DENND4A: variants seen among roughly 807,000 people sequenced by gnomAD.
The protein encoded by DENND4A is C-myc promoter-binding protein.
DENND4A carries 70 observed loss-of-function variants against 199.3 expected under a neutral mutation model. The observed-to-expected ratio is 0.35, with a 90% CI of 0.29 to 0.43. The LOEUF (loss-of-function observed/expected upper bound fraction) is 0.43. Among genes scored for constraint, DENND4A ranks in the 20% least tolerant of loss-of-function variants. The pLI is 1.00. For synonymous variants in DENND4A, 686 were observed against 766.9 expected, an observed-to-expected ratio of 0.89 and a Z score of 1.74; for missense variants, 1,723 against 2,255.8, an observed-to-expected ratio of 0.76 and a Z score of 4.78.
At chr15:65,761,248 T>A (rs1490863245) in intron 2 of DENND4A, 112 bp downstream of exon 2, 1 of 152,194 alleles carries the variant, frequency 6.6e-6, no homozygotes, top group Non-Finnish European at 1.5e-5. Context: ...AATTATTACA[T>A]GGAGAATATA....
At chr15:65,762,453 C>T (rs955819712) in intron 1 of DENND4A, among the ~76,000 whole-genome samples, 6 of 151,898 alleles carry the variant, frequency 4.0e-5, no homozygotes, top group Non-Finnish European at 7.4e-5. Context: ...GTGAGGCCCC[C>T]ATCTCTAAAA....
intron 7 of DENND4A, among the ~76,000 whole-genome samples, chr15:65,735,724 G>A (rs2140429650): frequency 6.6e-6 from 1 of 152,254 alleles, no homozygotes. Flanking sequence ...CTTGATTTTG[G>A]AAATACACTT....
rs1230721272 is a variant in DENND4A, at chr15:65,761,388, G to A, written c.-51C>T. 1 of 152,188 alleles carries A rather than the reference G, an allele frequency of 6.6e-6. No homozygotes were observed. The highest frequency in any genetic ancestry group is 1.9e-4 in the East Asian group (1 of 5,198). The allele number at this position is 152,188 out of a possible 1,614,324, so 9.4% of individuals were successfully genotyped here. The stretch of plus-strand genomic sequence containing the variant: ...TTACCGAAAGTTTCTCTCTGAAAAA[G>A]ATGACAGATTTCAATGTGTGAACTC... On this transcript the variant is annotated 5_prime_UTR_variant, in exon 2 of 33. Coordinates refer to ENST00000443035, the MANE Select transcript of DENND4A (RefSeq NM_001320835.1).
intron 1 of DENND4A, among the ~76,000 whole-genome samples, chr15:65,768,499 TCTTGAATGCTAA>T (rs1437642977): frequency 6.6e-6 from 1 of 152,050 alleles, no homozygotes; most frequent in African/African-American, 2.4e-5. Context: ...AGAACCACTA[TCTTGAATGCTAA>T]CAGTAGATTA....
rs2074851796 is a variant in DENND4A, at chr15:65,701,052, TGAGA to T, written c.2696_2699del (p.Leu899GlnfsTer33). The T allele has an allele frequency of 6.2e-7, 1 of 1,604,544 alleles. No homozygotes were observed. Among genetic ancestry groups the T allele is most frequent in the Non-Finnish European group, 8.5e-7 (1 of 1,176,932 alleles). On this transcript the variant is annotated frameshift_variant and splice_region_variant, in exon 19 of 33. Transcript: ENST00000443035. LOFTEE classifies it high-confidence loss of function. ...AAGTAAAACACATACATCCCTTACC[TGAGA>T]GAGTTGTTTGTGATAAGTGTGCATG...
chr15:65,741,924 G>T, intron 4 of DENND4A, 140 bp from the exon 5 acceptor site: 3 of 547,012 alleles, frequency 5.5e-6, no homozygotes, highest in Admixed American at 3.6e-5. Context: ...TCAGTTGGCT[G>T]TTTTGTCAAT....
intron 22 of DENND4A, among the ~76,000 whole-genome samples, chr15:65,692,383 G>C (rs183008569): frequency 3.3e-5 from 5 of 152,254 alleles, no homozygotes; most frequent in African/African-American, 9.6e-5. Flanking sequence ...CAGAAATCTA[G>C]ATCTCTGATC....
At chr15:65,728,483 T>C (rs1034563906) in intron 11 of DENND4A, among the ~76,000 whole-genome samples, 21 of 144,610 alleles carry the variant, frequency 1.5e-4, no homozygotes, top group African/African-American at 5.3e-4. Context: ...CTTTTTTTCT[T>C]TTTCTTTTTT....
intron 3 of DENND4A, among the ~76,000 whole-genome samples, chr15:65,753,416 T>G (rs957153125): frequency 2.6e-5 from 4 of 152,130 alleles, no homozygotes; most frequent in African/African-American, 9.7e-5. Context: ...TGGAGTGCAG[T>G]GTTGTGATCT....
chr15:65,723,398 G>A (rs1039762327), intron 11 of DENND4A, among the ~76,000 whole-genome samples: 18 of 151,596 alleles, frequency 1.2e-4, no homozygotes, highest in Admixed American at 1.1e-3. Context: ...AAAATACTTC[G>A]GTATATTTAA....
intron 12 of DENND4A, among the ~76,000 whole-genome samples, chr15:65,720,298 A>G (rs28733369): frequency 0.2 from 30,970 of 152,132 alleles, 4,211 homozygotes; most frequent in East Asian, 0.73. Flanking sequence ...TTACTTCAAA[A>G]TTTTAAAATA....
intron 25 of DENND4A, among the ~76,000 whole-genome samples, chr15:65,670,535 G>C (rs2076184588): frequency 4.6e-5 from 7 of 152,264 alleles, no homozygotes; most frequent in Admixed American, 3.9e-4. Context: ...CAGTGTGGTT[G>C]CCAGACCAGT....
chr15:65,763,856 A>C (rs985708821), intron 1 of DENND4A, among the ~76,000 whole-genome samples: 1 of 152,158 alleles, frequency 6.6e-6, no homozygotes, highest in Non-Finnish European at 1.5e-5. Context: ...AATTTCAGGG[A>C]GTAAATATGC....
chr15:65,703,001 C>T lies in DENND4A; in HGVS notation c.2095G>A (p.Gly699Arg). ...AAATTGTTCCTAAGAACTGGAAATC[C>T]ATTATAGCTGTTTTAGAAAAAACAA... is the stretch of plus-strand genomic sequence containing the variant. ...EEPPLQYSYN[G>R]FPVLRNNLFE... The change falls in exon 16 of 33, where the codon GGA (glycine) becomes AGA (arginine). Residue 699 changes from glycine to arginine, a missense_variant. Transcript: ENST00000443035. The T allele has an allele frequency of 6.2e-7, 1 of 1,610,832 alleles. No homozygotes were observed. The highest frequency in any genetic ancestry group is 8.5e-7 in the Non-Finnish European group (1 of 1,178,870).
At chr15:65,784,868 C>T (rs745573385) in intron 1 of DENND4A, among the ~76,000 whole-genome samples, 6 of 152,058 alleles carry the variant, frequency 3.9e-5, no homozygotes, top group Non-Finnish European at 8.8e-5. Context: ...CCACCTGGGC[C>T]GGGCAATGGT....
chr15:65,724,659 CTA>C (rs1346106870), intron 11 of DENND4A, among the ~76,000 whole-genome samples: 1 of 152,154 alleles, frequency 6.6e-6, no homozygotes, highest in African/African-American at 2.4e-5. Flanking sequence ...TTTGTCCCCT[CTA>C]TCTTTCCACA....
chr15:65,684,737 T>C (rs1211949354), intron 23 of DENND4A, among the ~76,000 whole-genome samples: 6 of 152,120 alleles, frequency 3.9e-5, no homozygotes, highest in African/African-American at 7.2e-5. Context: ...TTTCCTTTTA[T>C]AGACTGTTTC....
intron 1 of DENND4A, among the ~76,000 whole-genome samples, chr15:65,766,250 CA>C (rs5813366): frequency 0.1 from 9,649 of 93,766 alleles, 277 homozygotes; most frequent in Middle Eastern, 0.15. Flanking sequence ...GACTCCACCT[CA>C]AAAAAAAAAA....
chr15:65,768,021 A>C (rs1013588402), intron 1 of DENND4A, among the ~76,000 whole-genome samples: 3 of 152,158 alleles, frequency 2.0e-5, no homozygotes, highest in African/African-American at 7.2e-5. Context: ...TTCCAGAGAG[A>C]AATATGTAAC....
Sources: gnomAD v4.1 joint callset for allele counts (sites outside exome capture counted in the v4.1 genomes callset) on GRCh38, gnomAD v4.1.1 for gene constraint, MANE v1.5 for transcripts, NCBI Gene and HGNC (gene_info 2026-07-23, HGNC 2026-07-21) for gene names.